Variants in YJU2B observed in about 807,000 individuals in gnomAD.
YJU2B encodes probable splicing factor YJU2B.
YJU2B carries 18 observed loss-of-function variants against 38.0 expected under a neutral mutation model. The observed-to-expected ratio is 0.47, with a 90% CI of 0.33 to 0.70. The LOEUF is 0.70. Ranked by LOEUF, YJU2B falls within the 30% of genes least tolerant of loss-of-function variation. The pLI, the probability that YJU2B is intolerant of heterozygous loss-of-function variation, is 0.02. For synonymous variants in YJU2B, 246 were observed against 225.4 expected (o/e 1.09, Z -0.82); for missense variants, 538 against 556.3 (o/e 0.97, Z 0.33).
intron 3 of YJU2B, 53 bp from the exon 4 acceptor site, chr19:13,756,144 G>T (rs747012260): frequency 6.9e-7 from 1 of 1,458,448 alleles, no homozygotes; most frequent in East Asian, 2.3e-5. Context: ...GCAGAAAATT[G>T]TGAGCTCCTC....
chr19:13,744,854 G>A (rs898246000), upstream of YJU2B, among the ~76,000 whole-genome samples: 1 of 152,132 alleles, frequency 6.6e-6, no homozygotes, highest in South Asian at 2.1e-4. Flanking sequence ...TTAGCCGGGT[G>A]TTGTGGCGGG....
At chr19:13,739,743 T>A (rs1358159243) in intron 2 of YJU2B, among the ~76,000 whole-genome samples, 1 of 150,872 alleles carries the variant, frequency 6.6e-6, no homozygotes, top group Non-Finnish European at 1.5e-5. Context: ...TAAGTTAGAA[T>A]TTTTTTTTTA....
At chr19:13,751,072 C>G (rs1409351594) in intron 1 of YJU2B, among the ~76,000 whole-genome samples, 2 of 152,018 alleles carry the variant, frequency 1.3e-5, no homozygotes, top group African/African-American at 2.4e-5. Flanking sequence ...ATTCTAAAAA[C>G]CATATGAATC....
chr19:13,751,607 GAC>G lies in YJU2B; in HGVS notation c.-199_-198del, dbSNP rs1290526192. The G allele has an allele frequency of 1.0e-5, 6 of 595,274 alleles. No homozygotes were observed. The East Asian group carries it at 1.7e-4, about 17-fold the overall frequency. The allele number at this position is 595,274 out of a possible 1,614,324, so 36.9% of individuals were successfully genotyped here. Reference sequence around the variant, plus strand: ...GGACGGGACTCTCTCTTTCTAAACAGACACGCCGCTTTTTGGATGCCTCCTAT... The same window carrying G: ...GGACGGGACTCTCTCTTTCTAAACAGACGCCGCTTTTTGGATGCCTCCTAT... On this transcript the variant is annotated splice_region_variant and 5_prime_UTR_variant, in exon 2 of 10. Coordinates refer to ENST00000221554, the MANE Select transcript of YJU2B (RefSeq NM_030818.4).
chr19:13,745,720 TAG>T (rs1187821440), upstream of YJU2B, among the ~76,000 whole-genome samples: 40 of 93,940 alleles, frequency 4.3e-4, no homozygotes, highest in African/African-American at 1.6e-3. Context: ...TATAGATCTA[TAG>T]ATATCTATAT....
chr19:13,738,583 A>C (rs554269366), intron 2 of YJU2B, among the ~76,000 whole-genome samples: 1 of 151,726 alleles, frequency 6.6e-6, no homozygotes, highest in African/African-American at 2.4e-5. Context: ...ACACGGTGAA[A>C]CCCCGTCTCT....
At chr19:13,746,371 T>C (rs892159968), upstream of YJU2B, among the ~76,000 whole-genome samples, 1 of 152,160 alleles carries the variant, frequency 6.6e-6, no homozygotes, top group African/African-American at 2.4e-5. Context: ...GGTAAATATT[T>C]TAGATTCTTT....
chr19:13,742,839 C>T (rs757813503), intron 2 of YJU2B, among the ~76,000 whole-genome samples: 1 of 152,162 alleles, frequency 6.6e-6, no homozygotes, highest in Non-Finnish European at 1.5e-5. Flanking sequence ...AAGCAAAATC[C>T]AGATGGACTG....
At position 13,762,874 on chromosome 19, in the gene YJU2B, C is replaced by A. The variant is rs569832489; in HGVS notation, c.997C>A (p.Pro333Thr). The A allele has an allele frequency of 2.5e-6, 4 of 1,610,040 alleles. No homozygotes were observed. The African/African-American group carries it at 4.0e-5, about 16-fold the overall frequency. ...EEAAQDRPMS[P>T]GDCPPETTET... is the part of the protein sequence containing the mutation. ...GGCTGCCCAGGACCGGCCCATGTCC[C>A]CCGGAGACTGTCCTCCGGAAACAAC... The change falls in exon 10 of 10, where the codon CCC (proline) becomes ACC (threonine). Residue 333 changes from proline to threonine, a missense_variant. This residue lies in a region of YJU2B where 488 missense variants were observed against 469.5 expected (regional missense o/e 1.04). Transcript: ENST00000221554.
chr19:13,757,893 G>A (rs1973730164), intron 6 of YJU2B, 47 bp downstream of exon 6: 1 of 1,518,114 alleles, frequency 6.6e-7, no homozygotes, highest in Non-Finnish European at 9.1e-7. Context: ...GGTGGCCACA[G>A]GGCGAGGGGG....
intron 1 of YJU2B, 94 bp downstream of exon 1, chr19:13,748,048 G>T (rs417475): frequency 0.6 from 91,901 of 151,980 alleles, 28,010 homozygotes; most frequent in Middle Eastern, 0.72. Flanking sequence ...CTTCCGCGTC[G>T]GGGGACGCGG....
chr19:13,748,713 G>A (rs1973343855), intron 1 of YJU2B, among the ~76,000 whole-genome samples: 1 of 152,182 alleles, frequency 6.6e-6, no homozygotes, highest in Admixed American at 6.5e-5. Flanking sequence ...ACAAGCCCAG[G>A]GAAGCGCAGT....
At chr19:13,756,149 C>A in intron 3 of YJU2B, 48 bp from the exon 4 acceptor site, 1 of 1,494,586 alleles carries the variant, frequency 6.7e-7, no homozygotes, top group Non-Finnish European at 9.3e-7. Flanking sequence ...AAATTGTGAG[C>A]TCCTCCAGCT....
chr19:13,741,386 C>T (rs1217383563), intron 2 of YJU2B, among the ~76,000 whole-genome samples: 5 of 151,660 alleles, frequency 3.3e-5, no homozygotes, highest in Admixed American at 6.6e-5. Flanking sequence ...AACCCCTGAC[C>T]TCATGATCGG....
intron 1 of YJU2B, among the ~76,000 whole-genome samples, chr19:13,748,453 C>T (rs109083): frequency 0.61 from 92,989 of 151,716 alleles, 28,827 homozygotes; most frequent in Middle Eastern, 0.72. Flanking sequence ...GAGCCCAAGC[C>T]GTAAGCCCAG....
intron 2 of YJU2B, among the ~76,000 whole-genome samples, chr19:13,741,230 C>T (rs971844270): frequency 2.0e-5 from 3 of 147,258 alleles, no homozygotes; most frequent in African/African-American, 7.5e-5. Flanking sequence ...TCTCAGCTCA[C>T]TGCAACCTCT....
chr19:13,736,829 C>T (rs966727791), intron 2 of YJU2B, among the ~76,000 whole-genome samples: 4 of 151,548 alleles, frequency 2.6e-5, no homozygotes, highest in Admixed American at 6.6e-5. Context: ...GTCAGGAGTT[C>T]GAGACCAGCC....
intron 1 of YJU2B, chr19:13,731,957 G>T (rs1277314586): frequency 6.6e-6 from 1 of 152,286 alleles, no homozygotes; most frequent in Non-Finnish European, 1.5e-5. Context: ...AAAGGTTTGA[G>T]ATCATGGTCC....
intron 6 of YJU2B, among the ~76,000 whole-genome samples, chr19:13,758,457 A>C (rs1035820663): frequency 2.0e-5 from 3 of 151,490 alleles, no homozygotes; most frequent in African/African-American, 7.2e-5. Context: ...GAATGAACAA[A>C]TGAATGAACA....
Sources: gnomAD v4.1 joint callset for allele counts (sites outside exome capture counted in the v4.1 genomes callset) on GRCh38, gnomAD v4.1.1 for gene constraint, gnomAD v4.1.1 regional missense constraint, MANE v1.5 for transcripts, NCBI Gene and HGNC (gene_info 2026-07-23, HGNC 2026-07-21) for gene names.